FER1L5: variants seen among roughly 807,000 people sequenced by gnomAD.
The protein encoded by FER1L5 is fer-1 like family member 5.
In FER1L5, 187 loss-of-function variants were observed where a neutral mutation model predicts 279.9. That is an observed-to-expected ratio of 0.67 (90% CI 0.59 to 0.75). FER1L5 has a LOEUF of 0.75. Ranked by LOEUF, FER1L5 falls within the 30% of genes least tolerant of loss-of-function variation. The probability of loss-of-function intolerance (pLI) is 0.00; values close to 1 mark genes in which losing one functional copy is unlikely to be tolerated. For synonymous variants in FER1L5, 921 were observed against 989.7 expected (o/e 0.93, Z 1.30); for missense variants, 2,091 against 2,594.4 (o/e 0.81, Z 4.21).
chr2:96,655,146 G>A (rs1175309095), intron 9 of FER1L5, among the ~76,000 whole-genome samples: 2 of 152,272 alleles, frequency 1.3e-5, no homozygotes, highest in Non-Finnish European at 2.9e-5. Flanking sequence ...CCTCCAGGAA[G>A]TAGAAGCAGA....
intron 4 of FER1L5, among the ~76,000 whole-genome samples, chr2:96,648,940 C>G (rs547922361): frequency 2.0e-5 from 3 of 152,088 alleles, no homozygotes; most frequent in African/African-American, 7.2e-5. Flanking sequence ...TTGAGTTTTC[C>G]CAATGGACAG....
At chr2:96,686,492 G>A (rs543407040) in intron 23 of FER1L5, 142 bp downstream of exon 23, 17 of 940,070 alleles carry the variant, frequency 1.8e-5, no homozygotes, top group African/African-American at 6.6e-5. Context: ...AGTCCCCAGA[G>A]GAAGAGAGGG....
In FER1L5 at chr2:96,699,951, C is replaced by A. The variant is rs760818257; in HGVS notation, c.4801C>A (p.Arg1601=). The stretch of plus-strand genomic sequence containing the variant: ...CCACAGGTCAGGGCCCTTTAGATGG[C>A]GGGATCAGATGCCCCCAAGCTACCT... ...SYCQSGPFRW[R]DQMPPSYLLE... is the part of the protein sequence containing the mutation. The change falls in exon 44 of 53, where the codon CGG becomes AGG. Residue 1601 remains arginine (R), a synonymous_variant. Coordinates refer to ENST00000624922, the MANE Select transcript of FER1L5 (RefSeq NM_001293083.2). 3 of 1,613,832 alleles carry A rather than the reference C, an allele frequency of 1.9e-6. No homozygotes were observed. Among genetic ancestry groups the A allele is most frequent in the Non-Finnish European group, 1.7e-6 (2 of 1,179,814 alleles).
intron 9 of FER1L5, 24 bp from the exon 10 acceptor site, chr2:96,660,317 C>G: frequency 6.4e-7 from 1 of 1,551,598 alleles, no homozygotes. Flanking sequence ...CTAACTAATC[C>G]TCACCCCACT....
rs138432244 is a variant in FER1L5, at chr2:96,659,135, G to A, written c.748-1206G>A. On this transcript the variant is annotated intron_variant, in intron 9 of 52. Transcript: ENST00000624922. ...TTTTCAGTAGAGACGGGATTTCACC[G>A]TGTTAGCCAGGATGGTCTCGATCTC... is the stretch of plus-strand genomic sequence containing the variant. Among the ~76,000 whole-genome samples the A allele has an allele frequency of 6.7e-3, 1,013 of 151,364 alleles. 24 individuals are homozygous for A. The East Asian group carries it at 0.08, about 12-fold the overall frequency.
At chr2:96,651,350 CTTTT>C (rs1287602042) in intron 6 of FER1L5, among the ~76,000 whole-genome samples, 10 of 141,796 alleles carry the variant, frequency 7.1e-5, no homozygotes, top group African/African-American at 2.4e-4. Flanking sequence ...TTCTTTCTTT[CTTTT>C]TCTTTCTTTC....
At chr2:96,687,608 C>T in intron 23 of FER1L5, 1 of 669,672 alleles carries the variant, frequency 1.5e-6, no homozygotes, top group Non-Finnish European at 2.5e-6. Context: ...ACCCTCTCTG[C>T]TTCATGGCTC....
chr2:96,659,639 C>G (rs1045135055), intron 9 of FER1L5, among the ~76,000 whole-genome samples: 6 of 150,500 alleles, frequency 4.0e-5, no homozygotes, highest in South Asian at 2.1e-4. Context: ...CTACAGGGGC[C>G]CGCCACCACG....
chr2:96,663,052 G>A (rs1573833836), intron 13 of FER1L5, among the ~76,000 whole-genome samples: 1 of 152,164 alleles, frequency 6.6e-6, no homozygotes, highest in South Asian at 2.1e-4. Context: ...CTCAACTGAC[G>A]GTTTTAAAAC....
At chr2:96,654,621 C>T (rs1384655316) in intron 9 of FER1L5, 125 bp downstream of exon 9, 2 of 388,140 alleles carry the variant, frequency 5.2e-6, no homozygotes, top group African/African-American at 2.1e-5. Flanking sequence ...CAGACTTGGC[C>T]GGGTGCAGTG....
At position 96,703,343 on chromosome 2, in the gene FER1L5, G is replaced by A. The variant is rs1310211328; in HGVS notation, c.5688G>A (p.Leu1896=). The change falls in exon 50 of 53, where the codon TTG becomes TTA. Residue 1896 remains leucine (L), a synonymous_variant. Coordinates refer to ENST00000624922, the MANE Select transcript of FER1L5 (RefSeq NM_001293083.2). ...TCCTCGATGGTGGCAAATGGCGCTT[G>A]TCGGTAGGAGCTGGGGAGTGTCTAC... ...CQVLDGGKWR[L]SGKVKMSLEI... 1.2e-6 allele frequency: 2 copies of A among 1,608,706 alleles called. No individual in the cohort carries two copies. Among genetic ancestry groups the A allele is most frequent in the Non-Finnish European group, 1.7e-6 (2 of 1,177,434 alleles).
At chr2:96,654,778 A>AG (rs1466535074) in intron 9 of FER1L5, 1 of 177,782 alleles carries the variant, frequency 5.6e-6, no homozygotes, top group African/African-American at 2.4e-5. Flanking sequence ...GGGTGCCTGT[A>AG]GTCCCAGCTA....
chr2:96,683,736 C>T (rs1441609435), intron 19 of FER1L5, among the ~76,000 whole-genome samples: 2 of 152,186 alleles, frequency 1.3e-5, no homozygotes, highest in Admixed American at 6.5e-5. Context: ...CTTTGGCTTT[C>T]GCTTGCCTCA....
Position 96,673,205 on chromosome 2 carries a change from T to C in FER1L5, c.1620T>C (p.Asn540=). 1.3e-6 allele frequency: 2 copies of C among 1,551,544 alleles called. No individual in the cohort carries two copies. The highest frequency in any genetic ancestry group is 1.7e-6 in the Non-Finnish European group (2 of 1,146,954). ...ACTATGGGAACAAGATGGACCTGAATTACAAGCCTCTAGTCTCAAGCACAC... is the reference window on the plus strand; with the variant it reads ...ACTATGGGAACAAGATGGACCTGAACTACAAGCCTCTAGTCTCAAGCACAC... ...IGHYGNKMDL[N]YKPLVSSTPY... Residue 540 remains asparagine (N), a synonymous_variant, in exon 19 of 53, where the codon AAT becomes AAC. Coordinates refer to ENST00000624922, the MANE Select transcript of FER1L5 (RefSeq NM_001293083.2).
At position 96,689,870 on chromosome 2, in the gene FER1L5, ATGT is replaced by A; in HGVS notation, c.2640+113_2640+115del. 2.2e-6 allele frequency: 2 copies of A among 919,214 alleles called. No individual in the cohort carries two copies. The highest frequency in any genetic ancestry group is 1.6e-6 in the Non-Finnish European group (1 of 617,342). The allele number at this position is 919,214 out of a possible 1,614,324, so 56.9% of individuals were successfully genotyped here. ...GGGTCTGAGCCCTATGCCCTGCACTATGTGTGGGGCCCCGGGTGAGCGCACCAG... is the reference window on the plus strand; with the variant it reads ...GGGTCTGAGCCCTATGCCCTGCACTAGTGGGGCCCCGGGTGAGCGCACCAG... On this transcript the variant is annotated intron_variant, in intron 26 of 52. Transcript: ENST00000624922. The surrounding 1 kb of genome is among the most constrained non-coding windows in gnomAD (Gnocchi z 4.6).
intron 23 of FER1L5, among the ~76,000 whole-genome samples, chr2:96,687,271 C>G (rs916981691): frequency 5.3e-5 from 8 of 152,234 alleles, no homozygotes; most frequent in Non-Finnish European, 1.2e-4. Context: ...TTCCTGGCCC[C>G]AACTGTACCT....
At chr2:96,663,407 G>C (rs2076019398) in intron 13 of FER1L5, 32 bp from the exon 14 acceptor site, 3 of 1,549,398 alleles carry the variant, frequency 1.9e-6, no homozygotes, top group East Asian at 4.9e-5. Context: ...GAGGGGGCAG[G>C]CTGGCACCAA....
intron 19 of FER1L5, among the ~76,000 whole-genome samples, chr2:96,677,488 AGTATTCCATC>A (rs1365161902): frequency 6.6e-6 from 1 of 152,208 alleles, no homozygotes; most frequent in Non-Finnish European, 1.5e-5. Flanking sequence ...ATTGCCAAAT[AGTATTCCATC>A]GTATGGGTGT....
Position 96,702,902 on chromosome 2 carries a change from G to T in FER1L5, c.5398-76G>T. On this transcript the variant is annotated intron_variant, in intron 48 of 52. Transcript: ENST00000624922. This position sits in a 1 kb window ranked among gnomAD's most constrained non-coding sequence, Gnocchi z 4.0. ...TTCCTTGATAGTCTATCACTGCTGGGTGGAGGGCCACTGAGGGGTGCAAGG... is the reference window on the plus strand; with the variant it reads ...TTCCTTGATAGTCTATCACTGCTGGTTGGAGGGCCACTGAGGGGTGCAAGG... 3 of 1,542,342 alleles carry T rather than the reference G, an allele frequency of 1.9e-6. No homozygotes were observed. The highest frequency in any genetic ancestry group is 2.6e-6 in the Non-Finnish European group (3 of 1,136,358).
Sources: gnomAD v4.1 joint callset for allele counts (sites outside exome capture counted in the v4.1 genomes callset) on GRCh38, gnomAD v4.1.1 for gene constraint, Gnocchi (gnomAD v3.1) non-coding constraint, MANE v1.5 for transcripts, NCBI Gene and HGNC (gene_info 2026-07-23, HGNC 2026-07-21) for gene names.